TGFB1: variants seen among roughly 807,000 people sequenced by gnomAD.
TGFB1 encodes transforming growth factor beta-1 proprotein.
A neutral mutation model predicts 43.8 loss-of-function variants in TGFB1; 19 were observed. The observed-to-expected ratio is 0.43, with a 90% CI of 0.30 to 0.64. The LOEUF is 0.64. TGFB1 is among the 30% of genes least tolerant of loss of function. The pLI is 0.11. For missense variants in TGFB1, 445 were observed against 529.8 expected (o/e 0.84, Z 1.57); for synonymous variants, 221 against 236.3 (o/e 0.94, Z 0.60).
chr19:41,348,573 CCTTT>C (rs964581194), intron 1 of TGFB1, 118 bp from the exon 2 acceptor site: 35 of 488,268 alleles, frequency 7.2e-5, no homozygotes, highest in African/African-American at 6.9e-4. Flanking sequence ...GTCTCTGATA[CCTTT>C]TATTTATTTA....
intron 6 of TGFB1, among the ~76,000 whole-genome samples, chr19:41,331,854 A>G (rs995300724): frequency 6.8e-6 from 1 of 146,014 alleles, no homozygotes; most frequent in African/African-American, 2.5e-5. Context: ...TTTTCCTTCC[A>G]TCTCCCTGTC....
At chr19:41,331,692 T>C (rs893523229) in intron 6 of TGFB1, among the ~76,000 whole-genome samples, 3 of 148,032 alleles carry the variant, frequency 2.0e-5, no homozygotes, top group Non-Finnish European at 4.5e-5. Context: ...GGTATTACCA[T>C]CGTGAGCCGC....
At chr19:41,351,053 GGACA>G (rs2038185587) in intron 1 of TGFB1, 2 of 152,486 alleles carry the variant, frequency 1.3e-5, no homozygotes. Context: ...ACCCATGCGT[GGACA>G]GAAAGACTAA....
chr19:41,342,598 T>C (rs1436407618), intron 3 of TGFB1, among the ~76,000 whole-genome samples: 1 of 150,454 alleles, frequency 6.6e-6, no homozygotes, highest in African/African-American at 2.5e-5. Context: ...CACTGCAACC[T>C]CCACCTCCCA....
intron 5 of TGFB1, among the ~76,000 whole-genome samples, chr19:41,337,477 A>G (rs1213574323): frequency 6.6e-6 from 1 of 151,896 alleles, no homozygotes; most frequent in Non-Finnish European, 1.5e-5. Context: ...GGGTTTCACC[A>G]TGTTGGCCAG....
At chr19:41,341,265 G>A (rs1267323897) in intron 5 of TGFB1, among the ~76,000 whole-genome samples, 2 of 151,320 alleles carry the variant, frequency 1.3e-5, no homozygotes, top group Non-Finnish European at 2.9e-5. Flanking sequence ...AGGAGATGGA[G>A]ACCATCCTGG....
chr19:41,331,288 C>T (rs943424743), intron 6 of TGFB1, 78 bp from the exon 7 acceptor site: 49 of 1,416,010 alleles, frequency 3.5e-5, no homozygotes, highest in Non-Finnish European at 4.3e-5. Context: ...ATCCCCCACC[C>T]GCTACCGCGC....
intron 2 of TGFB1, among the ~76,000 whole-genome samples, chr19:41,346,562 T>C (rs2123106030): frequency 6.6e-6 from 1 of 152,294 alleles, no homozygotes; most frequent in South Asian, 2.1e-4. Flanking sequence ...CTCCAGCCCT[T>C]CCAGATGCCC....
chr19:41,339,140 T>TTG (rs71179697), intron 5 of TGFB1, among the ~76,000 whole-genome samples: 1 of 151,476 alleles, frequency 6.6e-6, no homozygotes, highest in South Asian at 2.1e-4. Context: ...TTTTTTTTTT[T>TTG]CCTGAGACAA....
In TGFB1 at chr19:41,353,212, AC is replaced by A. The variant is rs1314635979; in HGVS notation, c.-169del. On this transcript the variant is annotated 5_prime_UTR_variant, in exon 1 of 7. Coordinates refer to ENST00000221930, the MANE Select transcript of TGFB1 (RefSeq NM_000660.7). The surrounding 1 kb of genome is among the most constrained non-coding windows in gnomAD (Gnocchi z 5.9). ...GCGCAGTGGTGGAGGGGAGGCTTGG[AC>A]CGGGGGTGTCTCAGTATCCCACGGA... is the stretch of plus-strand genomic sequence containing the variant. 4 of 806,998 alleles carry A rather than the reference AC, an allele frequency of 5.0e-6. No homozygotes were observed. Among genetic ancestry groups the A allele is most frequent in the Non-Finnish European group, 7.4e-6 (4 of 543,352 alleles). The allele number at this position is 806,998 out of a possible 1,614,324, so 50.0% of individuals were successfully genotyped here.
Position 41,331,063 on chromosome 19 carries a change from T to A in TGFB1, c.1162A>T (p.Lys388Ter). Residue 388 changes from lysine (K) to a stop codon, truncating the protein, a stop_gained, in exon 7 of 7, where the codon AAG (lysine) becomes TAG (stop). Transcript: ENST00000221930. LOFTEE classifies it high-confidence loss of function. Reference sequence around the variant, plus strand: ...GGCGGGGCGGGACCTCAGCTGCACTTGCAGGAGCGCACGATCATGTTGGAC... The same window carrying A: ...GGCGGGGCGGGACCTCAGCTGCACTAGCAGGAGCGCACGATCATGTTGGAC... Reference protein sequence around the residue: ...QLSNMIVRSCKCS With the variant: ...QLSNMIVRSC 6.4e-7 allele frequency: 1 copy of A among 1,569,900 alleles called. No homozygotes were observed. Among genetic ancestry groups the A allele is most frequent in the Non-Finnish European group, 8.6e-7 (1 of 1,159,988 alleles).
Position 41,348,130 on chromosome 19 carries a change from C to CA in TGFB1, c.516+164dup, listed in dbSNP as rs11347492. ...TTGGCAACAGAGTGAGACACTGTCTCAAAAAAAAAAAAAAAGCGTTCTAGG... is the reference window on the plus strand; with the variant it reads ...TTGGCAACAGAGTGAGACACTGTCTCAAAAAAAAAAAAAAAAGCGTTCTAGG... On this transcript the variant is annotated intron_variant, in intron 2 of 6. Transcript: ENST00000221930. Among the ~76,000 whole-genome samples the CA allele has an allele frequency of 0.016, 2,198 of 136,746 alleles. 29 individuals carry two copies. The highest frequency in any genetic ancestry group is 0.036 in the Middle Eastern group (9 of 250). The allele number at this position is 136,746 out of a possible 152,430, so 89.7% of individuals were successfully genotyped here.
At chr19:41,339,125 A>ATTTT (rs35169655) in intron 5 of TGFB1, among the ~76,000 whole-genome samples, 7 of 140,720 alleles carry the variant, frequency 5.0e-5, no homozygotes, top group African/African-American at 1.1e-4. Context: ...TTCAGGTTTG[A>ATTTT]TTTTTTTTTT....
chr19:41,342,154 G>A lies in TGFB1; in HGVS notation c.712+16C>T, dbSNP rs1420190011. ...CACACGTCACAACTGGGCATGGCCGGGGAAGCAGGCCTCACCGTTGATGTC... is the reference window on the plus strand; with the variant it reads ...CACACGTCACAACTGGGCATGGCCGAGGAAGCAGGCCTCACCGTTGATGTC... On this transcript the variant is annotated intron_variant, in intron 4 of 6. Coordinates refer to ENST00000221930, the MANE Select transcript of TGFB1 (RefSeq NM_000660.7). 12 of 1,610,430 alleles carry A rather than the reference G, an allele frequency of 7.5e-6. No individual in the cohort carries two copies. The African/African-American group carries it at 1.5e-4, about 20-fold the overall frequency.
chr19:41,343,932 C>G (rs2038086367), intron 3 of TGFB1, among the ~76,000 whole-genome samples: 3 of 151,524 alleles, frequency 2.0e-5, no homozygotes. Flanking sequence ...TAGTTAGGCT[C>G]TCCCTGGCCT....
chr19:41,342,509 A>T (rs906529591), intron 3 of TGFB1, among the ~76,000 whole-genome samples: 1 of 124,192 alleles, frequency 8.1e-6, no homozygotes, highest in African/African-American at 3.3e-5. Context: ...GCTACCACGC[A>T]TGGCTAATTT....
In TGFB1 at chr19:41,340,489, C is replaced by A. The variant is rs923187536; in HGVS notation, c.860+1394G>T. ...TAGAGATGGGGTTTCACCATGTTGG[C>A]CAGGCTGGTCTTGAACTCCAGACCT... On this transcript the variant is annotated intron_variant, in intron 5 of 6. Coordinates refer to ENST00000221930, the MANE Select transcript of TGFB1 (RefSeq NM_000660.7). Among the ~76,000 whole-genome samples the A allele has an allele frequency of 5.3e-5, 8 of 152,142 alleles. No homozygotes were observed. The South Asian group carries it at 1.7e-3, about 32-fold the overall frequency.
chr19:41,346,822 G>A (rs1382275570), intron 2 of TGFB1, among the ~76,000 whole-genome samples: 1 of 151,152 alleles, frequency 6.6e-6, no homozygotes, highest in Non-Finnish European at 1.5e-5. Flanking sequence ...ACCTCCTGGG[G>A]TCAAGCGATT....
intron 5 of TGFB1, among the ~76,000 whole-genome samples, chr19:41,333,610 C>A (rs1056299871): frequency 1.3e-5 from 2 of 152,158 alleles, no homozygotes; most frequent in African/African-American, 4.8e-5. Context: ...CCGCACGCCT[C>A]GGCCTCCCAA....
Sources: gnomAD v4.1 joint callset for allele counts (sites outside exome capture counted in the v4.1 genomes callset) on GRCh38, gnomAD v4.1.1 for gene constraint, Gnocchi (gnomAD v3.1) non-coding constraint, MANE v1.5 for transcripts, NCBI Gene and HGNC (gene_info 2026-07-23, HGNC 2026-07-21) for gene names.